Variants in AUTS2 observed in about 807,000 individuals in gnomAD.
The protein encoded by AUTS2 is autism susceptibility gene 2 protein.
AUTS2 carries 17 observed loss-of-function variants against 112.4 expected under a neutral mutation model. That is an observed-to-expected ratio of 0.15 (90% CI 0.10 to 0.23). The LOEUF is 0.23. AUTS2 is among the 10% of genes least tolerant of loss of function. The pLI, the probability that AUTS2 is intolerant of heterozygous loss-of-function variation, is 1.00. For synonymous variants in AUTS2, 751 were observed against 702.7 expected, an observed-to-expected ratio of 1.07 and a Z score of -1.09; for missense variants, 1,510 against 1,701.6, an observed-to-expected ratio of 0.89 and a Z score of 1.98.
chr7:70,303,422 ACGCGCG>A (rs776005782), intron 4 of AUTS2, among the ~76,000 whole-genome samples: 24 of 125,754 alleles, frequency 1.9e-4, no homozygotes, highest in African/African-American at 7.4e-4. Flanking sequence ...GCACACACAC[ACGCGCG>A]CGCGCGCACA....
intron 4 of AUTS2, among the ~76,000 whole-genome samples, chr7:70,157,305 G>T (rs1226671477): frequency 1.3e-5 from 2 of 151,750 alleles, no homozygotes; most frequent in African/African-American, 4.8e-5. Context: ...CATGAGACAG[G>T]TCTTGCTCTG....
At chr7:70,581,110 T>C (rs1001698793) in intron 5 of AUTS2, among the ~76,000 whole-genome samples, 1 of 151,998 alleles carries the variant, frequency 6.6e-6, no homozygotes. Context: ...AGGCCGGGCG[T>C]AGTGGCTCAC....
At chr7:70,219,584 T>C (rs536911443) in intron 4 of AUTS2, among the ~76,000 whole-genome samples, 2 of 151,596 alleles carry the variant, frequency 1.3e-5, no homozygotes, top group African/African-American at 4.8e-5. Flanking sequence ...TTTTTTTTTT[T>C]TTTTTGAGAG....
chr7:70,535,391 CT>C (rs1260255693), intron 5 of AUTS2, among the ~76,000 whole-genome samples: 2 of 151,748 alleles, frequency 1.3e-5, no homozygotes, highest in African/African-American at 4.8e-5. Context: ...GTGTTGTTTT[CT>C]TTTTTATTTT....
Position 70,360,898 on chromosome 7 carries a change from A to G in AUTS2, c.661-74854A>G, listed in dbSNP as rs117702258. On this transcript the variant is annotated intron_variant, in intron 4 of 18. Coordinates refer to ENST00000342771, the MANE Select transcript of AUTS2 (RefSeq NM_015570.4). ...ACATGCCGTGAATTTGCTCTCCAAA[A>G]TGATTCCACACACAAAAGTCCTCTC... 6.7e-4 allele frequency among the ~76,000 whole-genome samples: 102 copies of G among 152,306 alleles called. 1 individual carries two copies. In the East Asian group the frequency reaches 0.016, roughly 24 times the overall value.
At chr7:70,129,541 C>CTGGTAGACATA (rs1806160284) in intron 3 of AUTS2, among the ~76,000 whole-genome samples, 6 of 152,176 alleles carry the variant, frequency 3.9e-5, no homozygotes, top group Admixed American at 3.9e-4. Flanking sequence ...TCTGGGGTTC[C>CTGGTAGACATA]TGGTAGACAT....
At chr7:70,715,982 A>C (rs1037022534) in intron 6 of AUTS2, among the ~76,000 whole-genome samples, 5 of 152,246 alleles carry the variant, frequency 3.3e-5, no homozygotes, top group Non-Finnish European at 7.3e-5. Flanking sequence ...TTTGGAATTT[A>C]GGTTATATCC....
At chr7:69,816,222 A>C (rs1790755649) in intron 1 of AUTS2, among the ~76,000 whole-genome samples, 1 of 152,212 alleles carries the variant, frequency 6.6e-6, no homozygotes. Context: ...GACATCTCAA[A>C]GCTTTATTTC....
At chr7:69,743,966 T>G (rs1787375210) in intron 1 of AUTS2, among the ~76,000 whole-genome samples, 1 of 149,124 alleles carries the variant, frequency 6.7e-6, no homozygotes. Flanking sequence ...CTAGGCTAAT[T>G]AACATTTTTT....
At chr7:69,835,081 C>T (rs1312890476) in intron 1 of AUTS2, among the ~76,000 whole-genome samples, 2 of 151,750 alleles carry the variant, frequency 1.3e-5, no homozygotes, top group African/African-American at 2.4e-5. Flanking sequence ...AGCGAAACAT[C>T]GTGGGTATTT....
chr7:70,222,207 A>G (rs1316435938), intron 4 of AUTS2, among the ~76,000 whole-genome samples: 1 of 152,212 alleles, frequency 6.6e-6, no homozygotes, highest in African/African-American at 2.4e-5. Context: ...CATTTTGAAG[A>G]AGAGGAAACT....
intron 2 of AUTS2, among the ~76,000 whole-genome samples, chr7:69,921,483 G>A (rs747252900): frequency 1.3e-5 from 2 of 151,900 alleles, no homozygotes; most frequent in Non-Finnish European, 2.9e-5. Context: ...ATTAGTAAAC[G>A]TTGGCCGAGC....
At chr7:69,999,277 G>T (rs1189507108) in intron 2 of AUTS2, among the ~76,000 whole-genome samples, 1 of 152,036 alleles carries the variant, frequency 6.6e-6, no homozygotes, top group African/African-American at 2.4e-5. Flanking sequence ...AATGTATGTT[G>T]CCTGAATCTG....
intron 6 of AUTS2, among the ~76,000 whole-genome samples, chr7:70,706,020 A>G (rs929366684): frequency 3.9e-5 from 6 of 152,182 alleles, no homozygotes; most frequent in African/African-American, 7.2e-5. Flanking sequence ...TGCAGTTTCT[A>G]TTATAAAGCA....
chr7:70,138,866 G>T (rs1255009027), intron 4 of AUTS2, among the ~76,000 whole-genome samples: 1 of 152,182 alleles, frequency 6.6e-6, no homozygotes, highest in Non-Finnish European at 1.5e-5. Context: ...TCCATCCAGG[G>T]TTATAAAGGT....
intron 4 of AUTS2, among the ~76,000 whole-genome samples, chr7:70,424,753 T>C (rs1476765444): frequency 6.6e-6 from 1 of 152,038 alleles, no homozygotes; most frequent in African/African-American, 2.4e-5. Flanking sequence ...TACCTGCTAA[T>C]TTTAAAATTT....
intron 17 of AUTS2, among the ~76,000 whole-genome samples, chr7:70,786,322 A>G (rs1791473148): frequency 2.0e-5 from 3 of 152,202 alleles, no homozygotes; most frequent in African/African-American, 4.8e-5. Context: ...TCCACATCCC[A>G]TCTCTGCTCT....
At chr7:70,163,898 T>C (rs918698142) in intron 4 of AUTS2, among the ~76,000 whole-genome samples, 1 of 152,176 alleles carries the variant, frequency 6.6e-6, no homozygotes, top group Admixed American at 6.5e-5. Flanking sequence ...AGACTGTGCT[T>C]GGAGCAGGAG....
intron 4 of AUTS2, among the ~76,000 whole-genome samples, chr7:70,360,869 T>A (rs1302573444): frequency 6.6e-6 from 1 of 152,174 alleles, no homozygotes; most frequent in African/African-American, 2.4e-5. Flanking sequence ...GCCTCATTCT[T>A]AGGACATGCC....
Sources: gnomAD v4.1 joint callset for allele counts (sites outside exome capture counted in the v4.1 genomes callset) on GRCh38, gnomAD v4.1.1 for gene constraint, MANE v1.5 for transcripts, NCBI Gene and HGNC (gene_info 2026-07-23, HGNC 2026-07-21) for gene names.